The following KLF12 variants were observed in gnomAD, a reference collection of about 807,000 sequenced individuals.
The protein encoded by KLF12 is KLF transcription factor 12.
In KLF12, 9 loss-of-function variants were observed where a neutral mutation model predicts 37.8. That is an observed-to-expected ratio of 0.24 (90% CI 0.14 to 0.42). The LOEUF (loss-of-function observed/expected upper bound fraction) is 0.42, where lower values mean the gene tolerates loss of function less well. Ranked by LOEUF, KLF12 falls within the 10% of genes least tolerant of loss-of-function variation. The probability of loss-of-function intolerance (pLI) is 1.00; values close to 1 mark genes in which losing one functional copy is unlikely to be tolerated. For missense variants in KLF12, 411 were observed against 516.0 expected, an observed-to-expected ratio of 0.80 and a Z score of 1.97; for synonymous variants, 208 against 202.1, an observed-to-expected ratio of 1.03 and a Z score of -0.25.
intron 6 of KLF12, among the ~76,000 whole-genome samples, chr13:73,762,992 A>G (rs556408213): frequency 1.3e-5 from 2 of 152,172 alleles, no homozygotes; most frequent in Non-Finnish European, 2.9e-5. Flanking sequence ...TACTAGAGTC[A>G]ATTTGGAAAT....
intron 6 of KLF12, among the ~76,000 whole-genome samples, chr13:73,743,349 A>T (rs1239094407): frequency 6.6e-6 from 1 of 152,226 alleles, no homozygotes; most frequent in African/African-American, 2.4e-5. Flanking sequence ...TTTACAGAAT[A>T]TTGACAGAGG....
At position 73,966,391 on chromosome 13, in the gene KLF12, A is replaced by G. The variant is rs149638028; in HGVS notation, c.34-22321T>C. ...TTTGATAAAGAGAACTAAAAGAAAA[A>G]AAAGTAAAAGTTTAGAGAAAAAAAT... On this transcript the variant is annotated intron_variant, in intron 2 of 7. Coordinates refer to ENST00000377669, the MANE Select transcript of KLF12 (RefSeq NM_007249.5). Among the ~76,000 whole-genome samples, 54 of 152,362 alleles carry G rather than the reference A, an allele frequency of 3.5e-4. No homozygotes were observed. In the East Asian group the frequency reaches 0.01, roughly 29 times the overall value.
chr13:73,768,872 T>C (rs540558388), intron 5 of KLF12, among the ~76,000 whole-genome samples: 24 of 152,098 alleles, frequency 1.6e-4, no homozygotes, highest in African/African-American at 5.8e-4. Flanking sequence ...CTGACCTGTC[T>C]TACATCATGG....
At chr13:73,789,700 A>G (rs147603120) in intron 5 of KLF12, among the ~76,000 whole-genome samples, 1,532 of 148,976 alleles carry the variant, frequency 0.01, 32 homozygotes, top group African/African-American at 0.036. Flanking sequence ...TCTTTGAGAC[A>G]GAGTCTCGCT....
the KLF12 span, among the ~76,000 whole-genome samples, chr13:74,217,222 T>C: frequency 6.6e-6 from 1 of 152,042 alleles, no homozygotes; most frequent in African/African-American, 2.4e-5. Flanking sequence ...GGACACTGTG[T>C]GACATGAAAT....
chr13:74,205,608 T>A, the KLF12 span, among the ~76,000 whole-genome samples: 2 of 152,200 alleles, frequency 1.3e-5, no homozygotes, highest in Admixed American at 1.3e-4. Flanking sequence ...CACATATAGT[T>A]GATGACTGAC....
chr13:74,262,054 T>G, the KLF12 span, among the ~76,000 whole-genome samples: 11 of 152,322 alleles, frequency 7.2e-5, no homozygotes, highest in African/African-American at 2.4e-4. Flanking sequence ...ATGTGTTTTG[T>G]GGTCTGGTCT....
At chr13:74,092,912 A>C (rs925305757) in intron 1 of KLF12, among the ~76,000 whole-genome samples, 8 of 152,148 alleles carry the variant, frequency 5.3e-5, no homozygotes, top group Non-Finnish European at 1.2e-4. Context: ...TTCCTCGCTC[A>C]CTCTCCTGAA....
At chr13:74,218,422 A>G in the KLF12 span, among the ~76,000 whole-genome samples, 1 of 152,162 alleles carries the variant, frequency 6.6e-6, no homozygotes, top group Admixed American at 6.5e-5. Context: ...ACAAAGGTAG[A>G]TCCTTCAAAG....
the KLF12 span, among the ~76,000 whole-genome samples, chr13:74,176,980 T>C: frequency 6.6e-6 from 1 of 152,220 alleles, no homozygotes; most frequent in South Asian, 2.1e-4. Flanking sequence ...ATATTTTAAC[T>C]TTCTTTGAGT....
chr13:74,298,363 G>A, the KLF12 span, among the ~76,000 whole-genome samples: 1 of 152,184 alleles, frequency 6.6e-6, no homozygotes, highest in Non-Finnish European at 1.5e-5. Context: ...GTCATCTGCT[G>A]TTCCCATGTT....
chr13:74,034,189 A>C (rs1893186453), intron 1 of KLF12, among the ~76,000 whole-genome samples: 1 of 152,038 alleles, frequency 6.6e-6, no homozygotes, highest in African/African-American at 2.4e-5. Context: ...CAGCCTCCCA[A>C]GTAGCTGGGA....
At chr13:73,973,897 G>T (rs530408928) in intron 2 of KLF12, among the ~76,000 whole-genome samples, 1 of 152,014 alleles carries the variant, frequency 6.6e-6, no homozygotes, top group African/African-American at 2.4e-5. Context: ...TAAGACAACA[G>T]AAAGATGTCA....
At chr13:73,842,484 G>A (rs1006023356) in intron 4 of KLF12, among the ~76,000 whole-genome samples, 2 of 152,152 alleles carry the variant, frequency 1.3e-5, no homozygotes, top group Admixed American at 1.3e-4. Flanking sequence ...TAAAATGCCT[G>A]ATAATGATAG....
At chr13:74,200,196 G>C in the KLF12 span, among the ~76,000 whole-genome samples, 1 of 151,858 alleles carries the variant, frequency 6.6e-6, no homozygotes, top group Admixed American at 6.6e-5. Context: ...GCTCAGGGGG[G>C]GGGTTTCCTG....
At chr13:73,792,551 TG>T (rs1282930666) in intron 5 of KLF12, among the ~76,000 whole-genome samples, 4 of 151,812 alleles carry the variant, frequency 2.6e-5, no homozygotes, top group African/African-American at 9.7e-5. Flanking sequence ...TATCACAGGG[TG>T]GAAAAGTACT....
chr13:74,228,330 T>C, the KLF12 span, among the ~76,000 whole-genome samples: 1 of 152,166 alleles, frequency 6.6e-6, no homozygotes, highest in African/African-American at 2.4e-5. Flanking sequence ...AAATAATATA[T>C]TTTGAAAAAG....
chr13:73,706,928 G>C (rs566305697), intron 7 of KLF12, among the ~76,000 whole-genome samples: 59 of 152,168 alleles, frequency 3.9e-4, no homozygotes, highest in African/African-American at 1.4e-3. Flanking sequence ...CTTCTCACTG[G>C]CTTCTAACAA....
chr13:74,103,116 A>G (rs1256737019), intron 1 of KLF12, among the ~76,000 whole-genome samples: 1 of 152,234 alleles, frequency 6.6e-6, no homozygotes, highest in Non-Finnish European at 1.5e-5. Flanking sequence ...TATGTGATGG[A>G]GCAAACATGA....
Sources: gnomAD v4.1 joint callset for allele counts (sites outside exome capture counted in the v4.1 genomes callset) on GRCh38, gnomAD v4.1.1 for gene constraint, MANE v1.5 for transcripts, NCBI Gene and HGNC (gene_info 2026-07-23, HGNC 2026-07-21) for gene names.